The following SCAPER variants were observed in gnomAD, a reference collection of about 807,000 sequenced individuals.
SCAPER encodes S-phase cyclin A associated protein in the ER.
SCAPER carries 98 observed loss-of-function variants against 182.2 expected under a neutral mutation model. The ratio of observed to expected loss-of-function variants is 0.54; its 90% CI spans 0.46 to 0.64. The LOEUF (loss-of-function observed/expected upper bound fraction) is 0.64. SCAPER is among the 30% of genes least tolerant of loss of function. The pLI is 0.00. For synonymous variants in SCAPER, 605 were observed against 564.6 expected, an observed-to-expected ratio of 1.07 and a Z score of -1.01; for missense variants, 1,432 against 1,690.0, an observed-to-expected ratio of 0.85 and a Z score of 2.68.
At chr15:76,663,864 C>G (rs1191336452) in intron 21 of SCAPER, among the ~76,000 whole-genome samples, 1 of 151,860 alleles carries the variant, frequency 6.6e-6, no homozygotes, top group Non-Finnish European at 1.5e-5. Flanking sequence ...AATCATACAT[C>G]AATGAAAAAA....
chr15:76,641,787 C>T (rs988910419), intron 21 of SCAPER, among the ~76,000 whole-genome samples: 1 of 152,070 alleles, frequency 6.6e-6, no homozygotes, highest in African/African-American at 2.4e-5. Context: ...CATGATAAAA[C>T]TGGAGAGTTA....
chr15:76,742,154 G>T (rs1012049562), intron 15 of SCAPER, among the ~76,000 whole-genome samples: 2 of 152,006 alleles, frequency 1.3e-5, no homozygotes, highest in Non-Finnish European at 2.9e-5. Flanking sequence ...TTTAAACTCA[G>T]TGAAAACAGA....
intron 22 of SCAPER, among the ~76,000 whole-genome samples, chr15:76,588,797 G>T (rs11072603): frequency 0.49 from 74,499 of 151,046 alleles, 19,248 homozygotes; most frequent in Middle Eastern, 0.64. Context: ...TGTGATTTTT[G>T]GGGGGGGTGT....
chr15:76,773,908 T>G (rs1221609975), intron 9 of SCAPER, among the ~76,000 whole-genome samples: 1 of 151,796 alleles, frequency 6.6e-6, no homozygotes, highest in Admixed American at 6.6e-5. Context: ...TTACATAAAA[T>G]TACACCAACG....
At chr15:76,492,002 A>T (rs966608971) in intron 24 of SCAPER, among the ~76,000 whole-genome samples, 1 of 152,164 alleles carries the variant, frequency 6.6e-6, no homozygotes, top group East Asian at 1.9e-4. Flanking sequence ...TGTATTTCTT[A>T]ATGATGTTGA....
chr15:76,735,159 A>G (rs1410982927), intron 15 of SCAPER, among the ~76,000 whole-genome samples: 3 of 151,990 alleles, frequency 2.0e-5, no homozygotes, highest in Non-Finnish European at 1.5e-5. Flanking sequence ...CAGCCTGAGC[A>G]ATGTAAAATG....
chr15:76,763,920 A>G (rs1341138103), intron 14 of SCAPER, among the ~76,000 whole-genome samples: 1 of 150,570 alleles, frequency 6.6e-6, no homozygotes, highest in South Asian at 2.1e-4. Context: ...TTCAACAGTT[A>G]TTTTGAATAT....
At chr15:76,681,472 T>C (rs1032876571) in intron 20 of SCAPER, among the ~76,000 whole-genome samples, 1 of 152,160 alleles carries the variant, frequency 6.6e-6, no homozygotes, top group Non-Finnish European at 1.5e-5. Flanking sequence ...GCCAACTGGA[T>C]GCAGCCAGGA....
At chr15:76,710,337 T>C (rs1293624738) in intron 17 of SCAPER, among the ~76,000 whole-genome samples, 1 of 152,172 alleles carries the variant, frequency 6.6e-6, no homozygotes, top group Non-Finnish European at 1.5e-5. Context: ...CAACTTATAA[T>C]CGTTCAACTT....
chr15:76,728,645 C>G lies in SCAPER; in HGVS notation c.2115G>C (p.Gln705His). 1 of 1,613,714 alleles carries G rather than the reference C, an allele frequency of 6.2e-7. No individual in the cohort carries two copies. Among genetic ancestry groups the G allele is most frequent in the Non-Finnish European group, 8.5e-7 (1 of 1,179,716 alleles). Residue 705 changes from glutamine to histidine, a missense_variant, in exon 17 of 32, where the codon CAG becomes CAC. Coordinates refer to ENST00000563290, the MANE Select transcript of SCAPER (RefSeq NM_020843.4). Reference protein sequence around the residue: ...RKEQEARIEQQRQEKEKARED... With the variant: ...RKEQEARIEQHRQEKEKARED... ...CACGGGCTTTTTCCTTTTCTTGCCT[C>G]TGTTGTTCAATTCGGGCTTCTTGTT...
chr15:76,504,811 A>G, intron 24 of SCAPER, 48 bp downstream of exon 24: 2 of 1,459,178 alleles, frequency 1.4e-6, no homozygotes, highest in Non-Finnish European at 1.9e-6. Flanking sequence ...TAGGGCAGAA[A>G]TGACTCACAA....
chr15:76,540,043 C>A (rs1439080329), intron 23 of SCAPER, among the ~76,000 whole-genome samples: 1 of 152,132 alleles, frequency 6.6e-6, no homozygotes, highest in Admixed American at 6.5e-5. Context: ...ACTATTCAGT[C>A]TTTAAAAATA....
chr15:76,858,940 A>T (rs2071638878), intron 3 of SCAPER, among the ~76,000 whole-genome samples: 1 of 152,184 alleles, frequency 6.6e-6, no homozygotes, highest in Non-Finnish European at 1.5e-5. Context: ...ACATACACAT[A>T]CATGTATCTT....
intron 21 of SCAPER, among the ~76,000 whole-genome samples, chr15:76,662,391 T>A (rs1399391867): frequency 6.6e-6 from 1 of 151,848 alleles, no homozygotes; most frequent in Non-Finnish European, 1.5e-5. Flanking sequence ...CAAAAGAAAG[T>A]AAAAAACTGA....
chr15:76,717,673 A>C lies in SCAPER; in HGVS notation c.2165+10922T>G, dbSNP rs1461575135. On this transcript the variant is annotated intron_variant, in intron 17 of 31. Transcript: ENST00000563290. ...AAGCTCATAGTAACCACAAAACAAA[A>C]AACTATAGCAAATATACAAATAATA... Among the ~76,000 whole-genome samples, 7 of 152,118 alleles carry C rather than the reference A, an allele frequency of 4.6e-5. No individual in the cohort carries two copies. In the East Asian group the frequency reaches 1.2e-3, roughly 25 times the overall value.
chr15:76,500,179 C>T (rs1296963951), intron 24 of SCAPER, among the ~76,000 whole-genome samples: 2 of 152,188 alleles, frequency 1.3e-5, no homozygotes, highest in Admixed American at 6.6e-5. Flanking sequence ...ACAGCCTACA[C>T]ATTTTTCACT....
intron 21 of SCAPER, among the ~76,000 whole-genome samples, chr15:76,634,936 A>C (rs1210362126): frequency 1.3e-5 from 2 of 152,110 alleles, no homozygotes; most frequent in Non-Finnish European, 2.9e-5. Flanking sequence ...TGAAACTGCA[A>C]TTTTAACAAG....
chr15:76,600,247 A>C (rs116128524), intron 22 of SCAPER, among the ~76,000 whole-genome samples: 1,353 of 120,280 alleles, frequency 0.011, 161 homozygotes, highest in African/African-American at 0.032. Context: ...ACTTTTCAAA[A>C]AATAAGGAAT....
At chr15:76,543,711 T>C (rs987378757) in intron 23 of SCAPER, among the ~76,000 whole-genome samples, 3 of 152,100 alleles carry the variant, frequency 2.0e-5, no homozygotes, top group Non-Finnish European at 2.9e-5. Flanking sequence ...GCAAGATAGG[T>C]TGGAAATAAG....
Sources: allele counts gnomAD v4.1 joint callset (sites outside exome capture counted in the v4.1 genomes callset), GRCh38; gene constraint gnomAD v4.1.1; transcripts MANE v1.5; gene names NCBI Gene and HGNC (gene_info 2026-07-23, HGNC 2026-07-21).